The following DCTN2 variants were observed in gnomAD, a reference collection of about 807,000 sequenced individuals.
The protein encoded by DCTN2 is 50 kDa dynein-associated polypeptide.
A neutral mutation model predicts 55.4 loss-of-function variants in DCTN2; 18 were observed. The ratio of observed to expected loss-of-function variants is 0.32; its 90% CI spans 0.22 to 0.48. DCTN2 has a LOEUF of 0.48. Ranked by LOEUF, DCTN2 falls within the 20% of genes least tolerant of loss-of-function variation. DCTN2 has a pLI of 0.99. For missense variants in DCTN2, 390 were observed against 491.0 expected, an observed-to-expected ratio of 0.79 and a Z score of 1.94; for synonymous variants, 168 against 185.2, an observed-to-expected ratio of 0.91 and a Z score of 0.76.
In DCTN2 at chr12:57,536,387, G is replaced by C. The variant is rs117719501; in HGVS notation, c.106-542C>G. 3.1e-3 allele frequency among the ~76,000 whole-genome samples: 469 copies of C among 152,346 alleles called. 18 individuals are homozygous for C. The East Asian group carries it at 0.073, about 24-fold the overall frequency. On this transcript the variant is annotated intron_variant, in intron 2 of 13. Transcript: ENST00000548249. ...TTAGTACAAAAAGAAGGCCGACAGA[G>C]GGCCTGACCAGAAGCCTGATTTCCA...
Position 57,532,995 on chromosome 12 carries a change from C to T in DCTN2, c.763G>A (p.Ala255Thr). ...QNPLSAGLQGACLMETVELLQ... is the reference protein window; with the variant it reads ...QNPLSAGLQGTCLMETVELLQ... ...TCTTCCAAACTCACCATGAGACAGG[C>T]TCCCTGTAGACCTGCAGAAAGGGGA... Residue 255 changes from alanine to threonine, a missense_variant, in exon 9 of 14, where the codon GCC becomes ACC. Ala to Thr is a moderately conservative substitution (Grantham distance 58). Coordinates refer to ENST00000548249, the MANE Select transcript of DCTN2 (RefSeq NM_001261413.2). 4 of 1,604,630 alleles carry T rather than the reference C, an allele frequency of 2.5e-6. No homozygotes were observed. Among genetic ancestry groups the T allele is most frequent in the East Asian group, 2.2e-5 (1 of 44,770 alleles).
intron 13 of DCTN2, among the ~76,000 whole-genome samples, chr12:57,531,642 GCTT>G (rs1304953378): frequency 1.3e-5 from 2 of 152,232 alleles, no homozygotes; most frequent in Non-Finnish European, 2.9e-5. Flanking sequence ...ATTAGGGCCT[GCTT>G]CTGACTTCAA....
rs1880048598 is a variant in DCTN2 at position 57,534,450 on chromosome 12, C to T, written c.366G>A (p.Thr122=). ...CCTCTGTGGCTGACTCCTTCACTGT[C>T]GTCTAGTATGAAAAAAGGTAGAAAT... The part of the protein sequence containing the change: ...ELTTEVEKIK[T]TVKESATEEK... Residue 122 remains threonine, a splice_region_variant and synonymous_variant, in exon 6 of 14, where the codon ACG becomes ACA. Coordinates refer to ENST00000548249, the MANE Select transcript of DCTN2 (RefSeq NM_001261413.2). 3.2e-6 allele frequency: 5 copies of T among 1,576,554 alleles called. No homozygotes were observed. Among genetic ancestry groups the T allele is most frequent in the East Asian group, 2.3e-5 (1 of 43,988 alleles).
At position 57,533,234 on chromosome 12, in the gene DCTN2, T is replaced by C. The variant is rs1227645880; in HGVS notation, c.735+4A>G. 2 of 1,613,932 alleles carry C rather than the reference T, an allele frequency of 1.2e-6. No homozygotes were observed. Among genetic ancestry groups the C allele is most frequent in the Non-Finnish European group, 1.7e-6 (2 of 1,179,788 alleles). ...CTCAGATTATGTACAGGAGAACACC[T>C]GACCTGAGCATCCTGATCACAACGT... is the stretch of plus-strand genomic sequence containing the variant. On this transcript the variant is annotated splice_donor_region_variant and intron_variant, in intron 8 of 13. Transcript: ENST00000548249.
At chr12:57,538,331 A>G (rs1350674264) in intron 2 of DCTN2, 7 of 650,600 alleles carry the variant, frequency 1.1e-5, no homozygotes, top group Admixed American at 1.0e-4. Flanking sequence ...CACCTACTCC[A>G]GCAGTGTCTT....
intron 11 of DCTN2, 42 bp downstream of exon 11, chr12:57,532,530 C>T (rs567852048): frequency 1.3e-6 from 2 of 1,599,130 alleles, no homozygotes; most frequent in African/African-American, 1.3e-5. Flanking sequence ...ACTCGGAGAA[C>T]CTGAGGGAGT....
Position 57,532,035 on chromosome 12 carries a change from T to G in DCTN2, c.1099A>C (p.Asn367His), listed in dbSNP as rs1879771637. 1 of 1,564,386 alleles carries G rather than the reference T, an allele frequency of 6.4e-7. No individual in the cohort carries two copies. ...CACACCTGGGTCAAGAGGGTGGTAT[T>G]GTCCTTCAAGGAATTAGCAATCATC... ...QQMIANSLKD[N>H]TTLLTQVQTT... The change falls in exon 13 of 14, where the codon AAT becomes CAT. Residue 367 changes from asparagine (N) to histidine (H), a missense_variant. Physicochemically the swap from Asn to His is moderately conservative, Grantham distance 68. Around this residue, in one of 2 missense-constraint regions of DCTN2, gnomAD observed 273 missense variants for 303.2 expected, o/e 0.90. Transcript: ENST00000548249.
chr12:57,535,413 C>T (rs1387333380), intron 4 of DCTN2, 71 bp downstream of exon 4: 2 of 1,567,226 alleles, frequency 1.3e-6, no homozygotes, highest in Non-Finnish European at 1.8e-6. Flanking sequence ...ATCCCTTGAT[C>T]TCCCTACTAC....
chr12:57,541,572 C>G (rs765420539), intron 2 of DCTN2, among the ~76,000 whole-genome samples: 7 of 152,118 alleles, frequency 4.6e-5, no homozygotes, highest in Non-Finnish European at 1.0e-4. Flanking sequence ...CTGCCAGGGC[C>G]CCATCAAACT....
Position 57,530,702 on chromosome 12 carries a change from T to C in DCTN2, c.1193A>G (p.Lys398Arg), listed in dbSNP as rs746387480. 39 of 1,613,776 alleles carry C rather than the reference T, an allele frequency of 2.4e-5. No homozygotes were observed. Among genetic ancestry groups the C allele is most frequent in the Non-Finnish European group, 3.3e-5 (39 of 1,179,798 alleles). Residue 398 changes from lysine (K) to arginine (R), a missense_variant, in exon 14 of 14, where the codon AAG becomes AGG. Physicochemically the swap from Lys to Arg is conservative, Grantham distance 26. This residue lies in a region of DCTN2 where 273 missense variants were observed against 303.2 expected (regional missense o/e 0.90). Coordinates refer to ENST00000548249, the MANE Select transcript of DCTN2 (RefSeq NM_001261413.2). ...TCCCAAATGTGCTCACTTTCCCAGC[T>C]TCTTCATCCGTTCATCAATGCTGGC... ...NFASIDERMK[K>R]LGK
Position 57,547,015 on chromosome 12 carries a change from G to A in DCTN2, c.36+13C>T. Reference sequence around the variant, plus strand: ...GCGCGGTCCTGGGGAGCCGGGGCCGGTCCTGTACTCACAATGCCGGGAAGG... The same window carrying A: ...GCGCGGTCCTGGGGAGCCGGGGCCGATCCTGTACTCACAATGCCGGGAAGG... On this transcript the variant is annotated intron_variant, in intron 1 of 13. Coordinates refer to ENST00000548249, the MANE Select transcript of DCTN2 (RefSeq NM_001261413.2). 1 of 1,291,926 alleles carries A rather than the reference G, an allele frequency of 7.7e-7. No homozygotes were observed. The allele number at this position is 1,291,926 out of a possible 1,614,324, so 80.0% of individuals were successfully genotyped here. A position where few individuals can be genotyped will look rare whatever the true frequency, so the allele number is the denominator to read the frequency against.
Position 57,532,622 on chromosome 12 carries a change from C to T in DCTN2, c.874G>A (p.Glu292Lys), listed in dbSNP as rs1038143921. The change falls in exon 11 of 14, where the codon GAG becomes AAG. Residue 292 changes from glutamate to lysine, a missense_variant. Glu to Lys is a moderately conservative substitution (Grantham distance 56). Coordinates refer to ENST00000548249, the MANE Select transcript of DCTN2 (RefSeq NM_001261413.2). ...ACAGAGGCTTTATGCTTGGCAATCT[C>T]GTTCACCTTTCCCAGGACACTCTGA... ...RLQSVLGKVN[E>K]IAKHKASVED... is the part of the protein sequence containing the mutation. 2 of 1,613,944 alleles carry T rather than the reference C, an allele frequency of 1.2e-6. No homozygotes were observed. The highest frequency in any genetic ancestry group is 1.3e-5 in the African/African-American group (1 of 75,032).
chr12:57,535,917 C>T, intron 2 of DCTN2, 72 bp from the exon 3 acceptor site: 1 of 1,219,262 alleles, frequency 8.2e-7, no homozygotes, highest in East Asian at 2.5e-5. Context: ...CCCACAAAAT[C>T]CCCAAACCAT....
At chr12:57,545,992 G>A in intron 2 of DCTN2, 36 bp downstream of exon 2, 2 of 1,608,948 alleles carry the variant, frequency 1.2e-6, no homozygotes, top group South Asian at 1.1e-5. Context: ...AGAAAGGTCA[G>A]AGTCCGGAGG....
At chr12:57,544,348 A>G (rs1217930973) in intron 2 of DCTN2, among the ~76,000 whole-genome samples, 2 of 152,118 alleles carry the variant, frequency 1.3e-5, no homozygotes, top group Non-Finnish European at 2.9e-5. Flanking sequence ...TACCTAGTAC[A>G]ATGTAAATGC....
intron 2 of DCTN2, among the ~76,000 whole-genome samples, chr12:57,541,142 C>T (rs1308789920): frequency 6.6e-6 from 1 of 152,180 alleles, no homozygotes; most frequent in Non-Finnish European, 1.5e-5. Context: ...TTTTACTCTG[C>T]AGACCTCACA....
intron 13 of DCTN2, 123 bp downstream of exon 13, chr12:57,531,892 C>G: frequency 7.0e-7 from 1 of 1,422,526 alleles, no homozygotes; most frequent in Non-Finnish European, 9.5e-7. Context: ...GATGGAGACT[C>G]CAGACCAACC....
chr12:57,535,169 C>G lies in DCTN2; in HGVS notation c.265-15G>C, dbSNP rs556490170. On this transcript the variant is annotated splice_polypyrimidine_tract_variant and intron_variant, in intron 4 of 13. Transcript: ENST00000548249. Reference sequence around the variant, plus strand: ...CCCTCTCCAAGCTAGAGAGCAGGCACAGAGGGTAATGTTATATGTCTCATT... The same window carrying G: ...CCCTCTCCAAGCTAGAGAGCAGGCAGAGAGGGTAATGTTATATGTCTCATT... 9 of 1,600,656 alleles carry G rather than the reference C, an allele frequency of 5.6e-6. No individual in the cohort carries two copies. The South Asian group carries it at 8.8e-5, about 16-fold the overall frequency.
chr12:57,530,709 T>C lies in DCTN2; in HGVS notation c.1186A>G (p.Met396Val), dbSNP rs761145218. 1.9e-6 allele frequency: 3 copies of C among 1,613,918 alleles called. No individual in the cohort carries two copies. Among genetic ancestry groups the C allele is most frequent in the South Asian group, 1.1e-5 (1 of 91,082 alleles). ...EGNFASIDER[M>V]KKLGK ...TGTGCTCACTTTCCCAGCTTCTTCA[T>C]CCGTTCATCAATGCTGGCAAAGTTC... Residue 396 changes from methionine to valine, a missense_variant, in exon 14 of 14, where the codon ATG (methionine) becomes GTG (valine). By Grantham distance (21) the Met-to-Val change is conservative (BLOSUM62 1). Transcript: ENST00000548249.
Sources: gnomAD v4.1 joint callset for allele counts (sites outside exome capture counted in the v4.1 genomes callset) on GRCh38, gnomAD v4.1.1 for gene constraint, gnomAD v4.1.1 regional missense constraint, MANE v1.5 for transcripts, NCBI Gene and HGNC (gene_info 2026-07-23, HGNC 2026-07-21) for gene names.